Variants in WWOX observed in about 807,000 individuals in gnomAD.
WWOX encodes WW domain containing oxidoreductase, also known as WW domain-containing oxidoreductase.
A neutral mutation model predicts 46.2 loss-of-function variants in WWOX; 69 were observed. The observed-to-expected ratio is 1.49, with a 90% CI of 1.23 to 1.82. WWOX has a LOEUF of 1.82. WWOX is among the 40% of genes most tolerant of loss of function. The pLI, the probability that WWOX is intolerant of heterozygous loss-of-function variation, is 0.00. For synonymous variants in WWOX, 359 were observed against 202.6 expected (o/e 1.77, Z -6.56); for missense variants, 919 against 542.6 (o/e 1.69, Z -6.89).
intron 8 of WWOX, among the ~76,000 whole-genome samples, chr16:78,736,091 C>T (rs186959311): frequency 4.6e-5 from 7 of 152,118 alleles, no homozygotes; most frequent in African/African-American, 1.7e-4. Context: ...AGGGAATGTT[C>T]TTGGGACAAA....
At chr16:78,979,084 C>CT (rs200040353) in intron 8 of WWOX, among the ~76,000 whole-genome samples, 55,592 of 141,968 alleles carry the variant, frequency 0.39, 11,111 homozygotes, top group East Asian at 0.67. Flanking sequence ...GAATTTCAGT[C>CT]TTTTTTTTTT....
chr16:78,314,232 C>T (rs1271284034), intron 5 of WWOX, among the ~76,000 whole-genome samples: 2 of 151,786 alleles, frequency 1.3e-5, no homozygotes, highest in Admixed American at 1.3e-4. Context: ...CAGTGAAACC[C>T]CGTCTCTACT....
At position 78,952,064 on chromosome 16, in the gene WWOX, A is replaced by G. The variant is rs140092877; in HGVS notation, c.1057-259544A>G. Among the ~76,000 whole-genome samples, 440 of 152,256 alleles carry G rather than the reference A, an allele frequency of 2.9e-3. 4 individuals are homozygous for G. The highest frequency in any genetic ancestry group is 0.01 in the African/African-American group (430 of 41,560). On this transcript the variant is annotated intron_variant, in intron 8 of 8. Coordinates refer to ENST00000566780, the MANE Select transcript of WWOX (RefSeq NM_016373.4). ...GTAGGGTAAAGACAGACCCCTAATC[A>G]TAACCTACAATCCCTCGACCCAGTG... is the stretch of plus-strand genomic sequence containing the variant.
At chr16:78,676,180 C>T (rs900954068) in intron 8 of WWOX, among the ~76,000 whole-genome samples, 1 of 151,826 alleles carries the variant, frequency 6.6e-6, no homozygotes, top group African/African-American at 2.4e-5. Flanking sequence ...TTCTCTATAG[C>T]TTGCTGTCTT....
intron 8 of WWOX, among the ~76,000 whole-genome samples, chr16:78,524,755 G>A (rs2043422786): frequency 6.8e-6 from 1 of 146,262 alleles, no homozygotes; most frequent in Non-Finnish European, 1.5e-5. Context: ...TATTAGCATT[G>A]TGATAAATAA....
intron 8 of WWOX, among the ~76,000 whole-genome samples, chr16:78,639,164 T>C (rs2046644157): frequency 6.6e-6 from 1 of 152,176 alleles, no homozygotes. Flanking sequence ...CAAAAGTCTG[T>C]TGAGTTTGGA....
At chr16:78,939,916 C>T (rs12921094) in intron 8 of WWOX, among the ~76,000 whole-genome samples, 1 of 152,060 alleles carries the variant, frequency 6.6e-6, no homozygotes, top group Non-Finnish European at 1.5e-5. Context: ...GTTGAAGGCC[C>T]AAGTTTACCC....
chr16:78,939,690 T>C (rs1360533704), intron 8 of WWOX, among the ~76,000 whole-genome samples: 3 of 152,184 alleles, frequency 2.0e-5, no homozygotes, highest in Non-Finnish European at 4.4e-5. Context: ...AACATGAAAG[T>C]GTTTGGGCTT....
chr16:78,921,642 G>A (rs569012420), intron 8 of WWOX, among the ~76,000 whole-genome samples: 17 of 152,294 alleles, frequency 1.1e-4, no homozygotes, highest in African/African-American at 4.1e-4. Context: ...TGACCTACAG[G>A]TCATGGAGGT....
chr16:79,123,456 T>C (rs1295235985), intron 8 of WWOX, among the ~76,000 whole-genome samples: 1 of 152,072 alleles, frequency 6.6e-6, no homozygotes, highest in African/African-American at 2.4e-5. Context: ...TTGAGACTCT[T>C]TTTCCTGCTT....
intron 8 of WWOX, among the ~76,000 whole-genome samples, chr16:79,056,278 C>G (rs1488958358): frequency 3.3e-5 from 5 of 150,680 alleles, no homozygotes; most frequent in South Asian, 2.1e-4. Flanking sequence ...AACACTTAAA[C>G]TTTGGAGAGG....
chr16:78,709,755 A>G (rs74961277), intron 8 of WWOX, among the ~76,000 whole-genome samples: 1,773 of 148,756 alleles, frequency 0.012, 39 homozygotes, highest in African/African-American at 0.042. Flanking sequence ...TTTTGTGATA[A>G]TCTCTCTCTG....
intron 8 of WWOX, among the ~76,000 whole-genome samples, chr16:78,521,973 A>C (rs1336341822): frequency 1.3e-5 from 2 of 152,070 alleles, no homozygotes; most frequent in Non-Finnish European, 2.9e-5. Flanking sequence ...CAGCAGGCCC[A>C]TTTTGCAAGT....
At chr16:78,732,288 C>T (rs1046226315) in intron 8 of WWOX, among the ~76,000 whole-genome samples, 1 of 152,134 alleles carries the variant, frequency 6.6e-6, no homozygotes, top group Non-Finnish European at 1.5e-5. Context: ...GTGTCTCTCA[C>T]TCATGGGATG....
At chr16:78,679,634 G>A (rs1359376124) in intron 8 of WWOX, among the ~76,000 whole-genome samples, 1 of 152,182 alleles carries the variant, frequency 6.6e-6, no homozygotes, top group Non-Finnish European at 1.5e-5. Context: ...GAAAGGAACA[G>A]TAACAAGCTC....
In WWOX at chr16:78,383,493, G is replaced by T. The variant is rs184879679; in HGVS notation, c.517-3367G>T. On this transcript the variant is annotated intron_variant, in intron 5 of 8. Transcript: ENST00000566780. ...CCTGGGAGGAAATCTCACCTTGGCA[G>T]ATCGAGTCTCTTGTCCTCGCCTAAC... Among the ~76,000 whole-genome samples, 10 of 152,272 alleles carry T rather than the reference G, an allele frequency of 6.6e-5. No individual in the cohort carries two copies. In the East Asian group the frequency reaches 1.5e-3, roughly 24 times the overall value.
At position 78,326,548 on chromosome 16, in the gene WWOX, C is replaced by T. The variant is rs184598219; in HGVS notation, c.517-60312C>T. ...TCTCTGGATGTATTACTTAACCTCT[C>T]TGGCTTTATTTCTGCCTGCCCTCCC... On this transcript the variant is annotated intron_variant, in intron 5 of 8. Transcript: ENST00000566780. 2.7e-3 allele frequency among the ~76,000 whole-genome samples: 354 copies of T among 133,262 alleles called. 10 individuals carry two copies. The highest frequency in any genetic ancestry group is 9.8e-3 in the African/African-American group (336 of 34,302). The allele number at this position is 133,262 out of a possible 152,430, so 87.4% of individuals were successfully genotyped here.
chr16:78,722,610 ATCCCC>A, intron 8 of WWOX, among the ~76,000 whole-genome samples: 1 of 151,732 alleles, frequency 6.6e-6, no homozygotes, highest in East Asian at 1.9e-4. Flanking sequence ...ATGTGAGCTT[ATCCCC>A]TGGTAGGTAT....
intron 8 of WWOX, among the ~76,000 whole-genome samples, chr16:78,808,312 A>G (rs989326072): frequency 2.6e-5 from 4 of 152,218 alleles, no homozygotes; most frequent in African/African-American, 9.6e-5. Flanking sequence ...CAACTACTGT[A>G]TGGCCACTTC....
Sources: gnomAD v4.1 joint callset for allele counts (sites outside exome capture counted in the v4.1 genomes callset) on GRCh38, gnomAD v4.1.1 for gene constraint, MANE v1.5 for transcripts, NCBI Gene and HGNC (gene_info 2026-07-23, HGNC 2026-07-21) for gene names.